The following CDS2 variants were observed in gnomAD, a reference collection of about 807,000 sequenced individuals.
The protein encoded by CDS2 is phosphatidate cytidylyltransferase 2.
CDS2 carries 47 observed loss-of-function variants against 59.0 expected under a neutral mutation model. That is an observed-to-expected ratio of 0.80 (90% confidence interval 0.63 to 1.02). CDS2 has a LOEUF of 1.02. CDS2 is among the 50% of genes least tolerant of loss of function. The pLI is 0.00. For missense variants in CDS2, 356 were observed against 558.9 expected (o/e 0.64, Z 3.66); for synonymous variants, 207 against 206.4 (o/e 1.00, Z -0.02).
rs187110345 is a variant in CDS2, at chr20:5,157,390, G to A, written c.58-16133G>A. ...AATGGTTTTAGGACAAACATCTGAA[G>A]AGTGGAAAAAAATCTGAGAGAAAGG... On this transcript the variant is annotated intron_variant, in intron 1 of 12. Transcript: ENST00000460006. 2.1e-3 allele frequency among the ~76,000 whole-genome samples: 315 copies of A among 152,242 alleles called. 2 individuals are homozygous for A. The highest frequency in any genetic ancestry group is 7.4e-3 in the African/African-American group (307 of 41,538).
rs764968445 is a variant in CDS2, at chr20:5,173,608, C to T, written c.143C>T (p.Ala48Val). ...GAATCCGCACCCCTGCCAGTCTCTG[C>T]AGATGATACCCCGGAGGTCCTCAAT... The part of the protein sequence containing the change: ...RAESAPLPVS[A>V]DDTPEVLNRA... Residue 48 changes from alanine (A) to valine (V), a missense_variant, in exon 2 of 13, where the codon GCA becomes GTA. Ala to Val is a moderately conservative substitution (Grantham distance 64, BLOSUM62 0). Coordinates refer to ENST00000460006, the MANE Select transcript of CDS2 (RefSeq NM_003818.4). The T allele has an allele frequency of 8.1e-6, 13 of 1,614,238 alleles. No homozygotes were observed. The Admixed American group carries it at 2.0e-4, about 25-fold the overall frequency.
intron 2 of CDS2, among the ~76,000 whole-genome samples, chr20:5,174,780 A>G (rs1254658954): frequency 6.6e-6 from 1 of 152,196 alleles, no homozygotes; most frequent in Non-Finnish European, 1.5e-5. Context: ...GCATAATGTT[A>G]CTATTATTCC....
chr20:5,129,873 C>T (rs1267130068), intron 1 of CDS2, among the ~76,000 whole-genome samples: 4 of 152,152 alleles, frequency 2.6e-5, no homozygotes. Context: ...GCCACCACAC[C>T]TGGCCATGTT....
intron 1 of CDS2, among the ~76,000 whole-genome samples, chr20:5,157,920 C>T (rs536672700): frequency 4.6e-5 from 7 of 152,196 alleles, no homozygotes; most frequent in Non-Finnish European, 1.0e-4. Flanking sequence ...TCACTTCTTT[C>T]TGAAGGAGCT....
chr20:5,186,716 C>A lies in CDS2; in HGVS notation c.858C>A (p.Cys286Ter). 1.9e-6 allele frequency: 3 copies of A among 1,614,150 alleles called. No individual in the cohort carries two copies. Among genetic ancestry groups the A allele is most frequent in the Non-Finnish European group, 2.5e-6 (3 of 1,180,014 alleles). ...LLSYVMSGYR[C>*]FVCPVEYNND... ...CCTATGTGATGTCCGGGTACAGATGCTTTGTCTGCCCTGTGGAGTACAACA... is the reference window on the plus strand; with the variant it reads ...CCTATGTGATGTCCGGGTACAGATGATTTGTCTGCCCTGTGGAGTACAACA... Residue 286 changes from cysteine to a stop codon, truncating the protein, a stop_gained, in exon 10 of 13, where the codon TGC becomes TGA. Transcript: ENST00000460006. LOFTEE classifies it high-confidence loss of function.
chr20:5,132,102 ATTT>A (rs1231877225), intron 1 of CDS2, among the ~76,000 whole-genome samples: 3 of 146,224 alleles, frequency 2.1e-5, no homozygotes, highest in African/African-American at 7.5e-5. Context: ...TTCAATTTTA[ATTT>A]TTTTTTTTTT....
At position 5,194,024 on chromosome 20, in the gene CDS2, T is replaced by A. The variant is rs549078154; in HGVS notation, c.*3790T>A. ...GGGTGGGGAGGATGTCCAGGTGACT[T>A]TTATGGACACATTGCAAGACAGTAA... On this transcript the variant is annotated 3_prime_UTR_variant, in exon 13 of 13. Transcript: ENST00000460006. 1 of 152,212 alleles carries A rather than the reference T, an allele frequency of 6.6e-6. No individual in the cohort carries two copies. The highest frequency in any genetic ancestry group is 2.4e-5 in the African/African-American group (1 of 41,522). 9.4% of individuals were successfully genotyped at this position (152,212 alleles called of 1,614,324 possible).
chr20:5,141,450 TGGGGGG>T lies in CDS2; in HGVS notation c.57+14303_57+14308del, dbSNP rs143359277. Among the ~76,000 whole-genome samples, 7 of 152,216 alleles carry T rather than the reference TGGGGGG, an allele frequency of 4.6e-5. No homozygotes were observed. The East Asian group carries it at 1.4e-3, about 29-fold the overall frequency. ...GGCTTACAGGAAGGTGAACACATGC[TGGGGGG>T]GTGGTGCACCCCAGCTCCACTGGGA... On this transcript the variant is annotated intron_variant, in intron 1 of 12. Transcript: ENST00000460006.
At chr20:5,173,154 G>A (rs1049846629) in intron 1 of CDS2, among the ~76,000 whole-genome samples, 2 of 152,254 alleles carry the variant, frequency 1.3e-5, no homozygotes, top group African/African-American at 4.8e-5. Context: ...AGCCTGGTCA[G>A]TGCCATTGGC....
At chr20:5,179,766 A>T (rs1453051678) in intron 5 of CDS2, among the ~76,000 whole-genome samples, 2 of 152,226 alleles carry the variant, frequency 1.3e-5, no homozygotes, top group African/African-American at 4.8e-5. Flanking sequence ...TACTGTGAGG[A>T]TTAAATCAAA....
chr20:5,185,891 G>A (rs2091063913), intron 9 of CDS2, 65 bp downstream of exon 9: 3 of 1,454,440 alleles, frequency 2.1e-6, no homozygotes, highest in African/African-American at 2.8e-5. Context: ...ACCTTCCAAG[G>A]CCTGTCCAGA....
rs2091143788 is a variant in CDS2 at position 5,194,701 on chromosome 20, G to T, written c.*4467G>T. On this transcript the variant is annotated 3_prime_UTR_variant, in exon 13 of 13. Transcript: ENST00000460006. ...AGGGGCAGAGTTTGTGAAGTCTAGG[G>T]TTTTTTGTCCAGTGGGTTTCAAATT... is the stretch of plus-strand genomic sequence containing the variant. The T allele has an allele frequency of 6.6e-6, 1 of 152,132 alleles. No individual in the cohort carries two copies. Among genetic ancestry groups the T allele is most frequent in the Non-Finnish European group, 1.5e-5 (1 of 68,032 alleles). The allele number at this position is 152,132 out of a possible 1,614,324, so 9.4% of individuals were successfully genotyped here.
intron 8 of CDS2, among the ~76,000 whole-genome samples, chr20:5,185,536 C>G (rs563418913): frequency 6.6e-6 from 1 of 152,006 alleles, no homozygotes; most frequent in African/African-American, 2.4e-5. Flanking sequence ...ATATCGTTTT[C>G]TAATATAAAA....
At chr20:5,128,329 G>A (rs2090573508) in intron 1 of CDS2, 2 of 152,228 alleles carry the variant, frequency 1.3e-5, no homozygotes, top group African/African-American at 2.4e-5. Context: ...AAGGAAGAAA[G>A]CACAAGATTT....
At chr20:5,136,674 G>T (rs2090652340) in intron 1 of CDS2, among the ~76,000 whole-genome samples, 1 of 152,016 alleles carries the variant, frequency 6.6e-6, no homozygotes, top group Non-Finnish European at 1.5e-5. Context: ...TATCTTTCAG[G>T]AGTTCTGAAA....
At position 5,130,088 on chromosome 20, in the gene CDS2, T is replaced by G. The variant is rs193013997; in HGVS notation, c.57+2939T>G. ...CCCGTGTTCAAGCAATTCTCCTGCC[T>G]TAGCTTCCCCAGTACCTGGGATTAC... On this transcript the variant is annotated intron_variant, in intron 1 of 12. Coordinates refer to ENST00000460006, the MANE Select transcript of CDS2 (RefSeq NM_003818.4). Among the ~76,000 whole-genome samples the G allele has an allele frequency of 1.0e-3, 158 of 152,310 alleles. 1 individual carries two copies. The Middle Eastern group carries it at 0.024, about 23-fold the overall frequency.
At chr20:5,161,850 C>T (rs1299283942) in intron 1 of CDS2, among the ~76,000 whole-genome samples, 3 of 152,154 alleles carry the variant, frequency 2.0e-5, no homozygotes, top group East Asian at 1.9e-4. Flanking sequence ...CTCTATTGGA[C>T]GTACTTGGCC....
rs1410771179 is a variant in CDS2, at chr20:5,127,064, C to T, written c.-29C>T. The stretch of plus-strand genomic sequence containing the variant: ...TGCTCCGGCGGCTTCGCTGCTAGCT[C>T]GCGGCGACGTCGGGCCGATTTTCCC... On this transcript the variant is annotated 5_prime_UTR_variant, in exon 1 of 13. Coordinates refer to ENST00000460006, the MANE Select transcript of CDS2 (RefSeq NM_003818.4). The T allele has an allele frequency of 2.0e-6, 3 of 1,488,422 alleles. No individual in the cohort carries two copies. The highest frequency in any genetic ancestry group is 2.7e-6 in the Non-Finnish European group (3 of 1,118,514). 92.2% of individuals were successfully genotyped at this position (1,488,422 alleles called of 1,614,324 possible). A position where few individuals can be genotyped will look rare whatever the true frequency, so the allele number is the denominator to read the frequency against.
intron 5 of CDS2, among the ~76,000 whole-genome samples, chr20:5,181,372 C>T (rs1254647049): frequency 9.9e-5 from 15 of 152,052 alleles, no homozygotes; most frequent in Non-Finnish European, 2.2e-4. Flanking sequence ...TTGGGGTTCA[C>T]CAGAAAGATG....
Sources: gnomAD v4.1 joint callset for allele counts (sites outside exome capture counted in the v4.1 genomes callset) on GRCh38, gnomAD v4.1.1 for gene constraint, MANE v1.5 for transcripts, NCBI Gene and HGNC (gene_info 2026-07-23, HGNC 2026-07-21) for gene names.